Variants in ZFHX3 observed in about 807,000 individuals in gnomAD.
ZFHX3 encodes the protein zinc finger homeobox 3, also known as zinc finger homeobox protein 3.
ZFHX3 carries 42 observed loss-of-function variants against 279.1 expected under a neutral mutation model. The observed-to-expected ratio is 0.15, with a 90% CI of 0.12 to 0.19. The LOEUF (loss-of-function observed/expected upper bound fraction) is 0.19. ZFHX3 is among the 10% of genes least tolerant of loss of function. The pLI, the probability that ZFHX3 is intolerant of heterozygous loss-of-function variation, is 1.00. For missense variants in ZFHX3, 4,981 were observed against 4,754.0 expected, an observed-to-expected ratio of 1.05 and a Z score of -1.40; for synonymous variants, 2,293 against 1,957.8, an observed-to-expected ratio of 1.17 and a Z score of -4.52.
chr16:72,962,314 C>T (rs1961619040), intron 1 of ZFHX3, among the ~76,000 whole-genome samples: 1 of 152,224 alleles, frequency 6.6e-6, no homozygotes, highest in South Asian at 2.1e-4. Flanking sequence ...TCTTATTCCT[C>T]CTCCTCTTCC....
At chr16:73,294,822 A>AC (rs2014867823) in intron 4 of ZFHX3, among the ~76,000 whole-genome samples, 1 of 151,592 alleles carries the variant, frequency 6.6e-6, no homozygotes, top group African/African-American at 2.4e-5. Context: ...AAAAAAAAAA[A>AC]AACCAAAAAA....
intron 8 of ZFHX3, among the ~76,000 whole-genome samples, chr16:73,064,848 T>G (rs1965726814): frequency 6.6e-6 from 1 of 152,152 alleles, no homozygotes; most frequent in Non-Finnish European, 1.5e-5. Context: ...AGCCGGTGGC[T>G]CTCCCGGGTT....
At chr16:73,614,483 TA>T in intron 2 of ZFHX3, among the ~76,000 whole-genome samples, 1 of 152,286 alleles carries the variant, frequency 6.6e-6, no homozygotes, top group Non-Finnish European at 1.5e-5. Context: ...AGTAAAAGCT[TA>T]AAATAAAAAA....
chr16:73,396,122 TG>T (rs1468361722), intron 3 of ZFHX3, among the ~76,000 whole-genome samples: 2 of 152,180 alleles, frequency 1.3e-5, no homozygotes, highest in Non-Finnish European at 2.9e-5. Flanking sequence ...AAATGGAAGA[TG>T]GGGAGTTAGA....
chr16:73,070,418 A>T (rs890520697), intron 8 of ZFHX3, among the ~76,000 whole-genome samples: 1 of 151,866 alleles, frequency 6.6e-6, no homozygotes, highest in Non-Finnish European at 1.5e-5. Context: ...CCCCACCTCT[A>T]TTATTTTTTT....
intron 2 of ZFHX3, among the ~76,000 whole-genome samples, chr16:73,463,613 AC>A (rs1489970853): frequency 3.3e-5 from 5 of 151,840 alleles, no homozygotes; most frequent in African/African-American, 1.2e-4. Context: ...TTTCCTCTGG[AC>A]TTTTTCCCCG....
intron 4 of ZFHX3, among the ~76,000 whole-genome samples, chr16:72,887,317 G>A (rs1045707728): frequency 2.0e-5 from 3 of 152,018 alleles, no homozygotes; most frequent in East Asian, 3.9e-4. Context: ...AGTAAGGTTC[G>A]CCATGAATTA....
intron 3 of ZFHX3, among the ~76,000 whole-genome samples, chr16:72,949,918 T>C (rs1251725250): frequency 4.1e-5 from 6 of 146,002 alleles, no homozygotes; most frequent in East Asian, 2.0e-4. Flanking sequence ...TTTCTTTTTT[T>C]TTTTTTTTTT....
chr16:73,560,792 C>T (rs1474714337), intron 2 of ZFHX3, among the ~76,000 whole-genome samples: 1 of 152,174 alleles, frequency 6.6e-6, no homozygotes, highest in Non-Finnish European at 1.5e-5. Flanking sequence ...TCCGAAATCT[C>T]ACTTGTGTGA....
At chr16:73,057,535 C>CAAA (rs60945619) in intron 1 of ZFHX3, among the ~76,000 whole-genome samples, 2 of 125,266 alleles carry the variant, frequency 1.6e-5, no homozygotes, top group Admixed American at 7.6e-5. Context: ...TTCGCGAGAG[C>CAAA]AAAAAAAAAA....
intron 3 of ZFHX3, among the ~76,000 whole-genome samples, chr16:73,443,028 T>C (rs1477115193): frequency 6.6e-6 from 1 of 152,190 alleles, no homozygotes; most frequent in Admixed American, 6.5e-5. Flanking sequence ...CCTAACAACT[T>C]CATTTTAACT....
intron 1 of ZFHX3, among the ~76,000 whole-genome samples, chr16:73,742,573 G>A (rs2053668846): frequency 1.3e-5 from 2 of 152,170 alleles, no homozygotes; most frequent in Non-Finnish European, 2.9e-5. Flanking sequence ...ACTTCTTGGA[G>A]GGGTGAGGGT....
intron 3 of ZFHX3, among the ~76,000 whole-genome samples, chr16:72,917,768 T>G (rs907663630): frequency 5.9e-5 from 9 of 152,240 alleles, no homozygotes; most frequent in South Asian, 4.1e-4. Flanking sequence ...GGATGATTTT[T>G]TGTGTGTGTG....
intron 1 of ZFHX3, among the ~76,000 whole-genome samples, chr16:73,840,262 G>A (rs1321920922): frequency 6.6e-6 from 1 of 152,136 alleles, no homozygotes; most frequent in African/African-American, 2.4e-5. Flanking sequence ...GAAAGAGGGG[G>A]CAGGAATCCA....
At chr16:73,004,460 C>T (rs1963631718) in intron 1 of ZFHX3, among the ~76,000 whole-genome samples, 1 of 150,936 alleles carries the variant, frequency 6.6e-6, no homozygotes. Context: ...TCCCAAGTAG[C>T]TGGGATTACA....
intron 2 of ZFHX3, among the ~76,000 whole-genome samples, chr16:73,628,387 C>T (rs1798048203): frequency 6.6e-6 from 1 of 152,070 alleles, no homozygotes; most frequent in African/African-American, 2.4e-5. Context: ...TTCAAGCTTA[C>T]AGAAATAGTC....
intron 2 of ZFHX3, among the ~76,000 whole-genome samples, chr16:73,555,090 G>C (rs540304145): frequency 6.6e-6 from 1 of 152,222 alleles, no homozygotes; most frequent in Admixed American, 6.5e-5. Flanking sequence ...ATTTATGAAG[G>C]GAGCGGGAGG....
In ZFHX3 at chr16:72,796,840, G is replaced by C. The variant is rs2035924394; in HGVS notation, c.5842C>G (p.Leu1948Val). The C allele has an allele frequency of 6.2e-7, 1 of 1,613,404 alleles. No individual in the cohort carries two copies. Among genetic ancestry groups the C allele is most frequent in the Non-Finnish European group, 8.5e-7 (1 of 1,179,900 alleles). Reference protein sequence around the residue: ...SDARGNATKALLENFGFELVI... With the variant: ...SDARGNATKAVLENFGFELVI... ...AACTCAAAGCCAAAGTTCTCCAGCA[G>C]GGCCTTGGTGGCGTTCCCTCTGGCA... is the stretch of plus-strand genomic sequence containing the variant. The change falls in exon 9 of 10, where the codon CTG becomes GTG. Residue 1948 changes from leucine to valine, a missense_variant. Coordinates refer to ENST00000268489, the MANE Select transcript of ZFHX3 (RefSeq NM_006885.4).
At chr16:73,348,040 A>G (rs997758369) in intron 3 of ZFHX3, among the ~76,000 whole-genome samples, 1 of 152,206 alleles carries the variant, frequency 6.6e-6, no homozygotes, top group Non-Finnish European at 1.5e-5. Flanking sequence ...CTTCACAAAT[A>G]CCTTTTAAAG....
Sources: allele counts gnomAD v4.1 joint callset (sites outside exome capture counted in the v4.1 genomes callset), GRCh38; gene constraint gnomAD v4.1.1; transcripts MANE v1.5; gene names NCBI Gene and HGNC (gene_info 2026-07-23, HGNC 2026-07-21).